The following DKK3 variants were observed in gnomAD, a reference collection of about 807,000 sequenced individuals.
DKK3 encodes dickkopf Wnt signaling pathway inhibitor 3, also known as dickkopf-related protein 3.
DKK3 carries 22 observed loss-of-function variants against 33.2 expected under a neutral mutation model. The observed-to-expected ratio is 0.66, with a 90% CI of 0.47 to 0.95. The LOEUF (loss-of-function observed/expected upper bound fraction) is 0.95, where lower values mean the gene tolerates loss of function less well. DKK3 is among the 40% of genes least tolerant of loss of function. The pLI is 0.00. For missense variants in DKK3, 398 were observed against 458.4 expected (o/e 0.87, Z 1.20); for synonymous variants, 194 against 188.8 (o/e 1.03, Z -0.23).
At chr11:12,008,700 G>T, upstream of DKK3, 1 of 1,132,902 alleles carries the variant, frequency 8.8e-7, no homozygotes. The surrounding 1 kb of genome is among the most constrained non-coding windows in gnomAD (Gnocchi z 4.6). Flanking sequence ...GCCCGCCCCT[G>T]GCGCCCCTCT....
chr11:11,967,219 A>C, intron 4 of DKK3, 121 bp from the exon 5 acceptor site: 1 of 1,256,922 alleles, frequency 8.0e-7, no homozygotes, highest in South Asian at 1.5e-5. Flanking sequence ...AGACAGGCAG[A>C]CCAGGCTGAG....
At chr11:11,980,478 A>C (rs1295331293) in intron 3 of DKK3, among the ~76,000 whole-genome samples, 1 of 152,072 alleles carries the variant, frequency 6.6e-6, no homozygotes, top group Non-Finnish European at 1.5e-5. Flanking sequence ...TGGTATACAG[A>C]GCTCTTATTG....
intron 3 of DKK3, among the ~76,000 whole-genome samples, chr11:11,991,838 G>A (rs979762827): frequency 2.6e-5 from 4 of 152,168 alleles, no homozygotes; most frequent in East Asian, 1.9e-4. Flanking sequence ...CTTATAAAAT[G>A]AGCAGAAACA....
intron 3 of DKK3, among the ~76,000 whole-genome samples, chr11:11,973,285 C>T (rs1552796): frequency 0.35 from 53,708 of 152,096 alleles, 11,614 homozygotes; most frequent in Admixed American, 0.54. Flanking sequence ...GGACTGGAGC[C>T]GACAGACACT....
chr11:11,969,719 G>A (rs1013110884), intron 3 of DKK3, among the ~76,000 whole-genome samples: 5 of 152,180 alleles, frequency 3.3e-5, no homozygotes, highest in African/African-American at 1.2e-4. Flanking sequence ...GGAAGAGCCT[G>A]GCCGGGCAGG....
chr11:11,968,305 A>G (rs768443517), intron 4 of DKK3, 90 bp downstream of exon 4: 19 of 1,214,788 alleles, frequency 1.6e-5, no homozygotes, highest in Non-Finnish European at 2.0e-5. Context: ...TCTTCTGGGA[A>G]GCCCAGCTGA....
chr11:11,984,655 TAAAAAAAAAA>T (rs11297335), intron 3 of DKK3, among the ~76,000 whole-genome samples: 11 of 139,098 alleles, frequency 7.9e-5, no homozygotes, highest in Non-Finnish European at 1.7e-4. Context: ...CAATTTCCTT[TAAAAAAAAAA>T]AAAAAAAGAA....
intron 2 of DKK3, 42 bp from the exon 3 acceptor site, chr11:11,998,821 T>G: frequency 1.3e-6 from 2 of 1,513,718 alleles, no homozygotes; most frequent in Admixed American, 1.7e-5. Flanking sequence ...TAGAAGGAAT[T>G]CTGGACAAAT....
At chr11:11,994,085 G>A (rs939722500) in intron 3 of DKK3, among the ~76,000 whole-genome samples, 1 of 152,196 alleles carries the variant, frequency 6.6e-6, no homozygotes, top group African/African-American at 2.4e-5. Context: ...GGCTGCTGCA[G>A]AATGAAAGCA....
intron 3 of DKK3, among the ~76,000 whole-genome samples, chr11:11,995,764 TG>T (rs747019889): frequency 2.0e-5 from 3 of 152,148 alleles, no homozygotes; most frequent in Non-Finnish European, 4.4e-5. Context: ...ACCTGTGAAG[TG>T]GGGCAGGCGG....
In DKK3 at chr11:12,008,487, G is replaced by C. The variant is rs528972746; in HGVS notation, c.96C>G (p.Val32=). The part of the protein sequence containing the change: ...APAPTATSAP[V]KPGPALSYPQ... ...GGTAGCTGAGAGCCGGGCCGGGCTT[G>C]ACTGGAGCCGAGGTCGCCGTCGGAG... Residue 32 remains valine (V), a synonymous_variant, in exon 1 of 7, where the codon GTC becomes GTG. Transcript: ENST00000683431. The surrounding 1 kb of genome is among the most constrained non-coding windows in gnomAD (Gnocchi z 4.6). 16 of 1,603,076 alleles carry C rather than the reference G, an allele frequency of 1.0e-5. No homozygotes were observed. In the South Asian group the frequency reaches 1.8e-4, roughly 18 times the overall value.
At chr11:11,965,766 C>T (rs1035282663) in intron 6 of DKK3, 43 bp downstream of exon 6, 9 of 1,601,814 alleles carry the variant, frequency 5.6e-6, no homozygotes, top group Admixed American at 3.4e-5. Flanking sequence ...ATGGCACCTC[C>T]TCAGCCCTTG....
intron 3 of DKK3, among the ~76,000 whole-genome samples, chr11:11,990,948 A>G (rs1848175004): frequency 6.6e-6 from 1 of 152,222 alleles, no homozygotes; most frequent in Admixed American, 6.5e-5. Flanking sequence ...CCACGGTTTC[A>G]TGGCTGCTAG....
At chr11:12,002,666 ATAT>A (rs1413546481) in intron 1 of DKK3, among the ~76,000 whole-genome samples, 1 of 152,190 alleles carries the variant, frequency 6.6e-6, no homozygotes, top group African/African-American at 2.4e-5. Flanking sequence ...TAATGTCCTC[ATAT>A]TACAAATAGG....
At chr11:11,982,069 G>A (rs1847966081) in intron 3 of DKK3, among the ~76,000 whole-genome samples, 1 of 152,170 alleles carries the variant, frequency 6.6e-6, no homozygotes, top group African/African-American at 2.4e-5. Context: ...GGTGATGCTG[G>A]AAGTCCATGG....
intron 3 of DKK3, among the ~76,000 whole-genome samples, chr11:11,977,683 C>G (rs2135025785): frequency 6.6e-6 from 1 of 152,292 alleles, no homozygotes; most frequent in African/African-American, 2.4e-5. Flanking sequence ...TGGCCGGGGT[C>G]TATTCCCCAG....
intron 3 of DKK3, among the ~76,000 whole-genome samples, chr11:11,995,545 T>G (rs1307317013): frequency 6.6e-6 from 1 of 152,256 alleles, no homozygotes; most frequent in Admixed American, 6.5e-5. Flanking sequence ...CTAAGCCTTG[T>G]AGCTGCGAGT....
At chr11:11,968,222 G>A (rs1374065111) in intron 4 of DKK3, among the ~76,000 whole-genome samples, 173 bp downstream of exon 4, 1 of 152,182 alleles carries the variant, frequency 6.6e-6, no homozygotes, top group Non-Finnish European at 1.5e-5. Flanking sequence ...ATCCCAAACT[G>A]GAATGAGTTC....
chr11:11,992,927 T>C (rs1464631864), intron 3 of DKK3, among the ~76,000 whole-genome samples: 4 of 152,200 alleles, frequency 2.6e-5, no homozygotes, highest in African/African-American at 9.6e-5. Flanking sequence ...AAAACGAAGA[T>C]ATCTTTTTTC....
Sources: gnomAD v4.1 joint callset for allele counts (sites outside exome capture counted in the v4.1 genomes callset) on GRCh38, gnomAD v4.1.1 for gene constraint, Gnocchi (gnomAD v3.1) non-coding constraint, MANE v1.5 for transcripts, NCBI Gene and HGNC (gene_info 2026-07-23, HGNC 2026-07-21) for gene names.